ASTN2: variants seen among roughly 807,000 people sequenced by gnomAD.
ASTN2 encodes the protein astrotactin-2.
A neutral mutation model predicts 139.8 loss-of-function variants in ASTN2; 54 were observed. The ratio of observed to expected loss-of-function variants is 0.39; its 90% CI spans 0.31 to 0.48. The LOEUF is 0.48. ASTN2 is among the 20% of genes least tolerant of loss of function. The probability of loss-of-function intolerance (pLI) is 0.95; values close to 1 mark genes in which losing one functional copy is unlikely to be tolerated. For missense variants in ASTN2, 1,565 were observed against 1,725.1 expected, an observed-to-expected ratio of 0.91 and a Z score of 1.64; for synonymous variants, 756 against 719.5, an observed-to-expected ratio of 1.05 and a Z score of -0.81.
chr9:116,444,894 C>T (rs1388359632), intron 20 of ASTN2, among the ~76,000 whole-genome samples: 1 of 152,088 alleles, frequency 6.6e-6, no homozygotes, highest in Non-Finnish European at 1.5e-5. Flanking sequence ...CATTGGAAAG[C>T]CATGCAGAAG....
intron 11 of ASTN2, among the ~76,000 whole-genome samples, chr9:116,845,843 C>A (rs1331172909): frequency 6.6e-6 from 1 of 152,100 alleles, no homozygotes; most frequent in Admixed American, 6.5e-5. Context: ...AATAGAACTA[C>A]CATATGATCT....
Position 116,635,851 on chromosome 9 carries a change from G to T in ASTN2, c.3073-15408C>A, listed in dbSNP as rs189708732. Among the ~76,000 whole-genome samples, 6 of 152,344 alleles carry T rather than the reference G, an allele frequency of 3.9e-5. No individual in the cohort carries two copies. In the South Asian group the frequency reaches 1.2e-3, roughly 32 times the overall value. On this transcript the variant is annotated intron_variant, in intron 17 of 22. Transcript: ENST00000313400. Reference sequence around the variant, plus strand: ...TGAGCTAATAGATGGTTTTCATTGAGTTTTGAGACAAAAACTTTGATTAGA... The same window carrying T: ...TGAGCTAATAGATGGTTTTCATTGATTTTTGAGACAAAAACTTTGATTAGA...
intron 17 of ASTN2, among the ~76,000 whole-genome samples, chr9:116,632,274 A>AAAGG (rs1348386091): frequency 2.0e-5 from 3 of 150,664 alleles, no homozygotes. Flanking sequence ...AGAAAGAAAG[A>AAAGG]AAGAAAGAAA....
intron 5 of ASTN2, among the ~76,000 whole-genome samples, chr9:117,085,915 C>A (rs990815674): frequency 6.6e-6 from 1 of 152,150 alleles, no homozygotes; most frequent in African/African-American, 2.4e-5. Flanking sequence ...AGCTTAAATA[C>A]AAATTCAAGC....
intron 1 of ASTN2, among the ~76,000 whole-genome samples, chr9:117,293,329 G>A (rs1834642487): frequency 6.6e-6 from 1 of 152,060 alleles, no homozygotes; most frequent in African/African-American, 2.4e-5. Flanking sequence ...TCTCAGCCAG[G>A]AGCCAGAGGA....
intron 11 of ASTN2, among the ~76,000 whole-genome samples, chr9:116,839,991 G>T (rs1201806741): frequency 1.4e-5 from 2 of 147,640 alleles, no homozygotes; most frequent in Non-Finnish European, 3.0e-5. Context: ...GTGAACAAAG[G>T]TCTCTGGTTT....
chr9:116,705,982 C>CT (rs141115853), intron 16 of ASTN2, among the ~76,000 whole-genome samples: 3,496 of 151,288 alleles, frequency 0.023, 130 homozygotes, highest in African/African-American at 0.081. Context: ...TCAAATGGTT[C>CT]TTTTTTTTTC....
intron 17 of ASTN2, among the ~76,000 whole-genome samples, chr9:116,634,684 TCTACA>T (rs1304228978): frequency 7.9e-5 from 12 of 151,748 alleles, no homozygotes; most frequent in Admixed American, 7.9e-4. Flanking sequence ...TCAAGGCACA[TCTACA>T]CTCACTTGGA....
At chr9:117,261,656 C>T (rs1833825284) in intron 2 of ASTN2, among the ~76,000 whole-genome samples, 1 of 152,176 alleles carries the variant, frequency 6.6e-6, no homozygotes, top group African/African-American at 2.4e-5. Context: ...CTTACCTCTG[C>T]TTTCTATCTC....
intron 1 of ASTN2, among the ~76,000 whole-genome samples, chr9:117,310,789 T>A (rs527950471): frequency 6.6e-6 from 1 of 152,094 alleles, no homozygotes; most frequent in African/African-American, 2.4e-5. Context: ...CACACCCAGA[T>A]AATGTTTTAT....
intron 22 of ASTN2, among the ~76,000 whole-genome samples, chr9:116,439,194 A>ATTTTTTTTTTTTTTTTTTTTTT (rs1016270368): frequency 5.3e-5 from 3 of 56,726 alleles, no homozygotes; most frequent in African/African-American, 7.7e-5. Flanking sequence ...ATTCAAATAC[A>ATTTTTTTTTTTTTTTTTTTTTT]TTTTTTTTTT....
At position 116,425,855 on chromosome 9, in the gene ASTN2, C is replaced by T. The variant is rs138490655; in HGVS notation, c.4016G>A (p.Arg1339Gln). The T allele has an allele frequency of 4.0e-5, 65 of 1,614,044 alleles. No homozygotes were observed. Among genetic ancestry groups the T allele is most frequent in the Non-Finnish European group, 5.2e-5 (61 of 1,180,038 alleles). ...CACGGAGGGCAATACCCTCCCTCAC[C>T]GGCCCTTGGACTCCCCGTACGTGTT... ...ARNTYGESKG[R>Q] is the part of the protein sequence containing the mutation. Residue 1339 changes from arginine to glutamine, a missense_variant, in exon 23 of 23, where the codon CGG (arginine) becomes CAG (glutamine). Physicochemically the swap from Arg to Gln is conservative, Grantham distance 43. Transcript: ENST00000313400.
Position 117,177,669 on chromosome 9 carries a change from T to A in ASTN2, c.1016-36191A>T, listed in dbSNP as rs186022250. On this transcript the variant is annotated intron_variant, in intron 3 of 22. Transcript: ENST00000313400. ...AGTCATTGATCTATGTATCTACCTG[T>A]TCACCATGGGGCATCCTTAATTTGG... Among the ~76,000 whole-genome samples, 500 of 152,342 alleles carry A rather than the reference T, an allele frequency of 3.3e-3. 1 individual carries two copies. Among genetic ancestry groups the A allele is most frequent in the Non-Finnish European group, 6.2e-3 (425 of 68,024 alleles).
chr9:116,485,103 A>T (rs1395120416), intron 20 of ASTN2, among the ~76,000 whole-genome samples: 1 of 152,232 alleles, frequency 6.6e-6, no homozygotes, highest in East Asian at 1.9e-4. Context: ...AGTTGAAATT[A>T]TCACAAGGGC....
At chr9:116,817,593 G>A (rs1330893144) in intron 12 of ASTN2, among the ~76,000 whole-genome samples, 1 of 152,084 alleles carries the variant, frequency 6.6e-6, no homozygotes, top group Non-Finnish European at 1.5e-5. Context: ...AAGTCAGACT[G>A]GAAACTTCTT....
chr9:117,209,989 T>C (rs554003614), intron 3 of ASTN2, among the ~76,000 whole-genome samples: 1 of 152,066 alleles, frequency 6.6e-6, no homozygotes, highest in Non-Finnish European at 1.5e-5. Context: ...GAATAAAATT[T>C]GAAAATTCCT....
intron 1 of ASTN2, among the ~76,000 whole-genome samples, chr9:117,311,481 G>A (rs1012016573): frequency 4.6e-5 from 7 of 152,052 alleles, no homozygotes; most frequent in Admixed American, 6.5e-5. Context: ...CACACCAAGT[G>A]AGAAGGGAGC....
chr9:116,579,151 C>G (rs1853849029), intron 19 of ASTN2: 1 of 152,132 alleles, frequency 6.6e-6, no homozygotes, highest in Admixed American at 6.5e-5. Flanking sequence ...GGTGTCTCAA[C>G]ATTTGTAGGA....
intron 10 of ASTN2, among the ~76,000 whole-genome samples, chr9:116,878,317 T>G (rs1833358121): frequency 6.6e-6 from 1 of 152,142 alleles, no homozygotes. Flanking sequence ...ATGCCCGTCA[T>G]GACAGACTGG....
Sources: allele counts gnomAD v4.1 joint callset (sites outside exome capture counted in the v4.1 genomes callset), GRCh38; gene constraint gnomAD v4.1.1; transcripts MANE v1.5; gene names NCBI Gene and HGNC (gene_info 2026-07-23, HGNC 2026-07-21).